Variants in MPPED2 observed in about 807,000 individuals in gnomAD.
MPPED2 encodes metallophosphoesterase domain containing 2.
MPPED2 carries 5 observed loss-of-function variants against 33.0 expected under a neutral mutation model. The ratio of observed to expected loss-of-function variants is 0.15; its 90% confidence interval spans 0.08 to 0.32. The LOEUF is 0.32. MPPED2 is among the 10% of genes least tolerant of loss of function. The probability of loss-of-function intolerance (pLI) is 1.00; values close to 1 mark genes in which losing one functional copy is unlikely to be tolerated. For missense variants in MPPED2, 275 were observed against 372.1 expected, an observed-to-expected ratio of 0.74 and a Z score of 2.15; for synonymous variants, 136 against 141.9, an observed-to-expected ratio of 0.96 and a Z score of 0.29.
chr11:30,403,200 T>C (rs1947935876), intron 6 of MPPED2, among the ~76,000 whole-genome samples: 1 of 147,910 alleles, frequency 6.8e-6, no homozygotes, highest in Admixed American at 6.9e-5. Context: ...TGAGCCGAGA[T>C]CGCGCCACTG....
intron 4 of MPPED2, among the ~76,000 whole-genome samples, chr11:30,480,967 C>T (rs1289592373): frequency 1.3e-5 from 2 of 152,042 alleles, no homozygotes; most frequent in African/African-American, 4.8e-5. Context: ...AGAGTTTTCC[C>T]TACATAACAG....
At chr11:30,510,842 T>G (rs533808662) in intron 3 of MPPED2, among the ~76,000 whole-genome samples, 1 of 152,336 alleles carries the variant, frequency 6.6e-6, no homozygotes, top group East Asian at 1.9e-4. Context: ...CTCCAACCTC[T>G]TCTATTCAAA....
At chr11:30,583,134 C>CTTTTTTTCTTTCTTTT (rs1554919022) in intron 1 of MPPED2, among the ~76,000 whole-genome samples, 1 of 96,712 alleles carries the variant, frequency 1.0e-5, no homozygotes, top group East Asian at 2.7e-4. Flanking sequence ...AAGACTTTTT[C>CTTTTTTTCTTTCTTTT]TTTTTTTTTT....
chr11:30,584,355 CACACA>C (rs762029438), intron 1 of MPPED2: 3 of 151,236 alleles, frequency 2.0e-5, no homozygotes, highest in Admixed American at 1.3e-4. Flanking sequence ...CACACACACA[CACACA>C]CACACACACA....
chr11:30,503,526 G>T (rs991431651), intron 3 of MPPED2, among the ~76,000 whole-genome samples: 5 of 151,978 alleles, frequency 3.3e-5, no homozygotes, highest in Admixed American at 2.6e-4. Flanking sequence ...TAAAATCAGA[G>T]ATCTGGTCAG....
chr11:30,485,352 T>C (rs550533650), intron 4 of MPPED2, among the ~76,000 whole-genome samples: 189 of 103,044 alleles, frequency 1.8e-3, no homozygotes, highest in African/African-American at 5.3e-3. Flanking sequence ...ATAGTAGTTA[T>C]TATTATTACT....
intron 4 of MPPED2, among the ~76,000 whole-genome samples, chr11:30,450,313 A>G (rs1565079146): frequency 6.6e-6 from 1 of 152,240 alleles, no homozygotes; most frequent in Admixed American, 6.5e-5. Context: ...CTCCTTGTCT[A>G]TATCAGAATA....
intron 5 of MPPED2, among the ~76,000 whole-genome samples, chr11:30,414,923 A>C (rs1314900813): frequency 6.6e-6 from 1 of 152,214 alleles, no homozygotes; most frequent in Non-Finnish European, 1.5e-5. Context: ...GGCATCCAGC[A>C]AGCTGGGGCT....
chr11:30,525,700 T>C (rs780855976), intron 3 of MPPED2, among the ~76,000 whole-genome samples: 1 of 152,158 alleles, frequency 6.6e-6, no homozygotes, highest in Non-Finnish European at 1.5e-5. Flanking sequence ...CACCCATCCA[T>C]CAGTAAGACA....
chr11:30,458,840 C>A (rs1468336684), intron 4 of MPPED2, among the ~76,000 whole-genome samples: 2 of 137,000 alleles, frequency 1.5e-5, no homozygotes, highest in African/African-American at 2.7e-5. Flanking sequence ...TGAGTGAGAA[C>A]AATAAAATTA....
chr11:30,577,440 A>G (rs1394666789), intron 2 of MPPED2, among the ~76,000 whole-genome samples: 1 of 152,246 alleles, frequency 6.6e-6, no homozygotes, highest in Admixed American at 6.5e-5. Context: ...CATGCAAAAT[A>G]AATGAGCAAC....
intron 4 of MPPED2, chr11:30,429,173 T>G (rs757536088): frequency 2.6e-5 from 4 of 152,200 alleles, no homozygotes; most frequent in Non-Finnish European, 4.4e-5. Context: ...TCCTTACCTG[T>G]GGAATGAAGA....
intron 4 of MPPED2, among the ~76,000 whole-genome samples, chr11:30,430,059 GA>G (rs1949011278): frequency 6.6e-6 from 1 of 152,110 alleles, no homozygotes; most frequent in Non-Finnish European, 1.5e-5. Flanking sequence ...TAGAGGTCAA[GA>G]AAATATTCAT....
intron 6 of MPPED2, among the ~76,000 whole-genome samples, chr11:30,395,741 C>A (rs535974864): frequency 6.6e-6 from 1 of 152,240 alleles, no homozygotes; most frequent in South Asian, 2.1e-4. Flanking sequence ...GATTATAAGT[C>A]TTTAATTTAA....
intron 4 of MPPED2, among the ~76,000 whole-genome samples, chr11:30,436,050 C>CT (rs71060449): frequency 0.049 from 5,361 of 108,396 alleles, 173 homozygotes; most frequent in East Asian, 0.062. Context: ...AGTTTAGCAT[C>CT]TTTTTTTTTT....
intron 3 of MPPED2, among the ~76,000 whole-genome samples, chr11:30,529,576 C>G (rs1216813628): frequency 6.6e-6 from 1 of 152,066 alleles, no homozygotes; most frequent in Non-Finnish European, 1.5e-5. Context: ...TGAATTCACA[C>G]TAATGTTAAC....
At chr11:30,510,867 G>A (rs1019570458) in intron 3 of MPPED2, among the ~76,000 whole-genome samples, 4 of 152,188 alleles carry the variant, frequency 2.6e-5, no homozygotes, top group Non-Finnish European at 5.9e-5. Flanking sequence ...TCCAAAGCTT[G>A]TAAAGTTGAT....
intron 2 of MPPED2, among the ~76,000 whole-genome samples, chr11:30,545,834 G>T (rs1359641349): frequency 6.6e-6 from 1 of 152,020 alleles, no homozygotes; most frequent in African/African-American, 2.4e-5. Context: ...TTCTAAAATG[G>T]GACACATAGT....
At chr11:30,419,472 G>A (rs1300093504) in intron 4 of MPPED2, among the ~76,000 whole-genome samples, 4 of 152,126 alleles carry the variant, frequency 2.6e-5, no homozygotes, top group African/African-American at 9.7e-5. Flanking sequence ...CAATTTCATG[G>A]TTCTGAAATC....
Sources: gnomAD v4.1 joint callset for allele counts (sites outside exome capture counted in the v4.1 genomes callset) on GRCh38, gnomAD v4.1.1 for gene constraint, MANE v1.5 for transcripts, NCBI Gene and HGNC (gene_info 2026-07-23, HGNC 2026-07-21) for gene names.